KLF8: variants seen among roughly 807,000 people sequenced by gnomAD.
KLF8 encodes the protein KLF transcription factor 8.
KLF8 carries 10 observed loss-of-function variants against 18.2 expected under a neutral mutation model. The ratio of observed to expected loss-of-function variants is 0.55; its 90% CI spans 0.34 to 0.93. KLF8 has a LOEUF of 0.93. KLF8 is among the 40% of genes least tolerant of loss of function. The probability of loss-of-function intolerance (pLI) is 0.02; values close to 1 mark genes in which losing one functional copy is unlikely to be tolerated. For synonymous variants in KLF8, 109 were observed against 97.3 expected, an observed-to-expected ratio of 1.12 and a Z score of -0.71; for missense variants, 264 against 277.9, an observed-to-expected ratio of 0.95 and a Z score of 0.36.
the KLF8 span, among the ~76,000 whole-genome samples, chrX:56,220,255 C>T: frequency 8.9e-6 from 1 of 111,759 alleles, no homozygotes; most frequent in African/African-American, 3.3e-5. Flanking sequence ...GCAATCATTG[C>T]TATTAGTCCT....
chrX:56,034,842 G>A, the KLF8 span, among the ~76,000 whole-genome samples: 11,254 of 87,472 alleles, frequency 0.13, 1,254 homozygotes, highest in African/African-American at 0.36. Context: ...TGCAAGCTCC[G>A]CCTCCCGGGT....
intron 2 of KLF8, among the ~76,000 whole-genome samples, chrX:56,251,271 A>T (rs1395612640): frequency 1.8e-5 from 2 of 112,253 alleles, no homozygotes; most frequent in Non-Finnish European, 3.8e-5. Context: ...TGCATGAGTG[A>T]AACTCAAATA....
At chrX:56,180,667 G>C in the KLF8 span, among the ~76,000 whole-genome samples, 1 of 110,559 alleles carries the variant, frequency 9.0e-6, no homozygotes, top group African/African-American at 3.3e-5. Flanking sequence ...TTGTGTCTTT[G>C]TTCTCGTTGG....
the KLF8 span, among the ~76,000 whole-genome samples, chrX:56,212,495 C>T: frequency 6.5e-4 from 73 of 112,233 alleles, no homozygotes; most frequent in Non-Finnish European, 1.2e-3. Flanking sequence ...CATGTTTGAA[C>T]TGCTGTGATT....
At chrX:55,923,510 T>TA in the KLF8 span, among the ~76,000 whole-genome samples, 72 of 107,661 alleles carry the variant, frequency 6.7e-4, no homozygotes, top group East Asian at 2.6e-3. Flanking sequence ...TGTTGGAAAT[T>TA]AAAAAAAAAA....
At chrX:55,948,122 A>C in the KLF8 span, among the ~76,000 whole-genome samples, 1 of 112,254 alleles carries the variant, frequency 8.9e-6, no homozygotes, top group South Asian at 3.7e-4. Flanking sequence ...TTTTTTAACT[A>C]GTTCATTTTC....
At chrX:56,189,169 A>T in the KLF8 span, among the ~76,000 whole-genome samples, 330 of 112,044 alleles carry the variant, frequency 2.9e-3, no homozygotes, top group African/African-American at 0.01. Flanking sequence ...CAATAAATTT[A>T]CAAGAAAAAA....
At chrX:56,260,856 C>T (rs1000882143) in intron 2 of KLF8, among the ~76,000 whole-genome samples, 2 of 111,789 alleles carry the variant, frequency 1.8e-5, no homozygotes, top group Non-Finnish European at 3.8e-5. Flanking sequence ...TGGGAGGAGC[C>T]TAGGCTTTAT....
chrX:56,072,860 C>T, the KLF8 span, among the ~76,000 whole-genome samples: 21 of 111,944 alleles, frequency 1.9e-4, no homozygotes, highest in African/African-American at 5.2e-4. Flanking sequence ...CTTTAACTCT[C>T]CCTTCCTGCA....
At chrX:56,113,606 A>G in the KLF8 span, among the ~76,000 whole-genome samples, 1 of 93,681 alleles carries the variant, frequency 1.1e-5, no homozygotes. Context: ...ATTAAAAAGG[A>G]GAAAAAAGAA....
chrX:56,119,255 G>C, the KLF8 span, among the ~76,000 whole-genome samples: 1 of 111,026 alleles, frequency 9.0e-6, no homozygotes, highest in Non-Finnish European at 1.9e-5. Context: ...GGGAAAAGGA[G>C]GAAGAGGGTC....
At chrX:55,976,572 A>ACACACACACACACACACACACT in the KLF8 span, among the ~76,000 whole-genome samples, 2 of 60,905 alleles carry the variant, frequency 3.3e-5, no homozygotes, top group South Asian at 2.6e-3. Context: ...ATTTGTGTAC[A>ACACACACACACACACACACACT]CACACACACA....
the KLF8 span, among the ~76,000 whole-genome samples, chrX:56,082,707 T>C: frequency 8.9e-6 from 1 of 111,754 alleles, no homozygotes; most frequent in Admixed American, 9.5e-5. Context: ...TTTTAATGAT[T>C]TTTTGAGTGT....
At chrX:56,251,483 G>A (rs1290914874) in intron 2 of KLF8, among the ~76,000 whole-genome samples, 2 of 109,652 alleles carry the variant, frequency 1.8e-5, no homozygotes, top group Non-Finnish European at 3.8e-5. Flanking sequence ...ATTTATTTGA[G>A]ACGGAGTCTC....
the KLF8 span, chrX:55,961,497 C>A: frequency 3.6e-6 from 2 of 549,887 alleles, no homozygotes; most frequent in Non-Finnish European, 3.4e-6. Context: ...AATACCTGCC[C>A]ATTGGGGGTC....
intron 5 of KLF8, among the ~76,000 whole-genome samples, chrX:56,279,963 T>A (rs1357352891): frequency 8.9e-6 from 1 of 111,782 alleles, no homozygotes; most frequent in Non-Finnish European, 1.9e-5. Context: ...CTCCAAAGAT[T>A]GTGATTCATT....
At chrX:55,913,450 G>A in the KLF8 span, among the ~76,000 whole-genome samples, 1 of 110,507 alleles carries the variant, frequency 9.0e-6, no homozygotes, top group African/African-American at 3.3e-5. Context: ...AATTAAGTGG[G>A]CCCCAATTCA....
chrX:55,964,577 A>T, the KLF8 span, among the ~76,000 whole-genome samples: 6 of 111,321 alleles, frequency 5.4e-5, no homozygotes, highest in Non-Finnish European at 9.4e-5. Context: ...ACCCTATCTC[A>T]CACACACACA....
At chrX:56,268,690 T>G (rs918328439) in intron 3 of KLF8, 37 of 783,029 alleles carry the variant, frequency 4.7e-5, no homozygotes, top group Non-Finnish European at 5.6e-5. Flanking sequence ...GTTCCCCACC[T>G]TATCACCACC....
Sources: allele counts gnomAD v4.1 joint callset (sites outside exome capture counted in the v4.1 genomes callset), GRCh38; gene constraint gnomAD v4.1.1; transcripts MANE v1.5; gene names NCBI Gene and HGNC (gene_info 2026-07-23, HGNC 2026-07-21).